The following RUNDC3B variants were observed in gnomAD, a reference collection of about 807,000 sequenced individuals.
RUNDC3B encodes RUN domain-containing protein 3B.
In RUNDC3B, 33 loss-of-function variants were observed where a neutral mutation model predicts 58.4. That is an observed-to-expected ratio of 0.56 (90% CI 0.43 to 0.75). RUNDC3B has a LOEUF of 0.75. Ranked by LOEUF, RUNDC3B falls within the 30% of genes least tolerant of loss-of-function variation. The pLI, the probability that RUNDC3B is intolerant of heterozygous loss-of-function variation, is 0.00. For synonymous variants in RUNDC3B, 193 were observed against 195.2 expected, an observed-to-expected ratio of 0.99 and a Z score of 0.10; for missense variants, 501 against 535.7, an observed-to-expected ratio of 0.94 and a Z score of 0.64.
chr7:87,823,460 G>A (rs1462423279), intron 10 of RUNDC3B, among the ~76,000 whole-genome samples: 2 of 151,262 alleles, frequency 1.3e-5, no homozygotes, highest in Non-Finnish European at 2.9e-5. Flanking sequence ...AATAGGGGAT[G>A]TTTGGTTACA....
intron 4 of RUNDC3B, among the ~76,000 whole-genome samples, chr7:87,719,659 A>G (rs934668781): frequency 4.6e-5 from 7 of 151,868 alleles, no homozygotes; most frequent in African/African-American, 1.7e-4. Context: ...TATAATAGAA[A>G]TAAATGCAAG....
intron 3 of RUNDC3B, among the ~76,000 whole-genome samples, chr7:87,702,206 A>G (rs1585144924): frequency 2.0e-5 from 3 of 147,548 alleles, no homozygotes; most frequent in Admixed American, 2.0e-4. Context: ...TTTTTTTAGG[A>G]AAAATAGTTA....
chr7:87,793,695 T>C (rs936817775), intron 8 of RUNDC3B, among the ~76,000 whole-genome samples: 15 of 151,940 alleles, frequency 9.9e-5, no homozygotes, highest in African/African-American at 3.4e-4. Context: ...CTCAAAATAA[T>C]AAAAGCTATA....
At chr7:87,709,696 G>A (rs1829897770) in intron 3 of RUNDC3B, among the ~76,000 whole-genome samples, 1 of 152,024 alleles carries the variant, frequency 6.6e-6, no homozygotes, top group South Asian at 2.1e-4. Flanking sequence ...TCCCTTTCTG[G>A]TAGTTGACAA....
intron 9 of RUNDC3B, among the ~76,000 whole-genome samples, chr7:87,814,824 A>G (rs1382410131): frequency 1.3e-5 from 2 of 152,164 alleles, no homozygotes; most frequent in African/African-American, 4.8e-5. Flanking sequence ...AAGTGAGAAC[A>G]CTGTATTATA....
rs546112689 is a variant in RUNDC3B at position 87,740,347 on chromosome 7, A to T, written c.548+467A>T. 3.1e-3 allele frequency among the ~76,000 whole-genome samples: 474 copies of T among 152,178 alleles called. 4 individuals are homozygous for T. The highest frequency in any genetic ancestry group is 0.011 in the African/African-American group (446 of 41,542). ...TGTATGGAGAATATTAAAAAAAAAA[A>T]TTGTTAAAATTTACTTTTATTGTCA... On this transcript the variant is annotated intron_variant, in intron 5 of 10. Transcript: ENST00000394654.
intron 6 of RUNDC3B, among the ~76,000 whole-genome samples, chr7:87,744,419 C>T (rs1832528225): frequency 6.6e-6 from 1 of 152,086 alleles, no homozygotes; most frequent in Non-Finnish European, 1.5e-5. Context: ...TCATTATTCA[C>T]AATATTGATT....
At chr7:87,779,299 C>T (rs2130885437) in intron 8 of RUNDC3B, among the ~76,000 whole-genome samples, 1 of 152,264 alleles carries the variant, frequency 6.6e-6, no homozygotes, top group East Asian at 1.9e-4. Context: ...CCACTTTAAA[C>T]TTTGAACAGT....
intron 1 of RUNDC3B, among the ~76,000 whole-genome samples, chr7:87,630,604 TG>T (rs959962404): frequency 6.6e-6 from 1 of 151,886 alleles, no homozygotes; most frequent in Non-Finnish European, 1.5e-5. Context: ...CAGTGCTTCT[TG>T]GGGGGTAACA....
intron 2 of RUNDC3B, among the ~76,000 whole-genome samples, chr7:87,691,970 TTGGTCCAGATATTTC>T (rs1828057170): frequency 6.6e-6 from 1 of 152,200 alleles, no homozygotes. Context: ...GGATTGTTGT[TTGGTCCAGATATTTC>T]TGGTTGCTTT....
intron 4 of RUNDC3B, among the ~76,000 whole-genome samples, chr7:87,719,767 C>G (rs1284164306): frequency 1.3e-5 from 2 of 151,692 alleles, no homozygotes; most frequent in Non-Finnish European, 2.9e-5. Context: ...ATCAATCAAT[C>G]AGTTTGCCAT....
intron 10 of RUNDC3B, among the ~76,000 whole-genome samples, chr7:87,822,287 A>G (rs1837508698): frequency 1.3e-5 from 2 of 152,248 alleles, no homozygotes; most frequent in South Asian, 2.1e-4. Context: ...ACATGAAAAA[A>G]TGCTCATCAT....
chr7:87,650,843 T>G lies in RUNDC3B; in HGVS notation c.144T>G (p.Ile48Met). The G allele has an allele frequency of 6.2e-7, 1 of 1,608,902 alleles. No homozygotes were observed. Among genetic ancestry groups the G allele is most frequent in the Non-Finnish European group, 8.5e-7 (1 of 1,175,462 alleles). The change falls in exon 2 of 11, where the codon ATT becomes ATG. Residue 48 changes from isoleucine to methionine, a missense_variant. By Grantham distance (10) the Ile-to-Met change is conservative. Transcript: ENST00000394654. ...TVCRFSVKTL[I>M]DRSCFETIDD... ...ATAGGTTTTCTGTGAAGACCCTGAT[T>G]GATCGGTCTTGCTTTGAGACAATTG...
chr7:87,736,837 A>G lies in RUNDC3B; in HGVS notation c.459-2954A>G, dbSNP rs1258053941. On this transcript the variant is annotated intron_variant, in intron 4 of 10. Coordinates refer to ENST00000394654, the MANE Select transcript of RUNDC3B (RefSeq NM_001134405.2). ...ATATTTATATATGTTATATATATGT[A>G]TGTGTGTATATATATACCTATATAT... Among the ~76,000 whole-genome samples the G allele has an allele frequency of 6.7e-5, 8 of 119,698 alleles. No individual in the cohort carries two copies. The East Asian group carries it at 2.1e-3, about 32-fold the overall frequency. The allele number at this position is 119,698 out of a possible 152,430, so 78.5% of individuals were successfully genotyped here.
At chr7:87,740,866 A>T (rs1832277668) in intron 5 of RUNDC3B, among the ~76,000 whole-genome samples, 1 of 152,102 alleles carries the variant, frequency 6.6e-6, no homozygotes, top group South Asian at 2.1e-4. Flanking sequence ...AGCTCTGTCT[A>T]AATTTGTTAC....
intron 1 of RUNDC3B, among the ~76,000 whole-genome samples, chr7:87,646,355 G>A (rs1823003099): frequency 6.6e-6 from 1 of 152,086 alleles, no homozygotes; most frequent in South Asian, 2.1e-4. Context: ...GGAGAACATA[G>A]TGACTAAAAT....
intron 6 of RUNDC3B, among the ~76,000 whole-genome samples, chr7:87,744,052 C>A (rs1047214594): frequency 6.6e-6 from 1 of 152,154 alleles, no homozygotes; most frequent in African/African-American, 2.4e-5. Context: ...ATCCCAGCAT[C>A]ATTTGTTGAA....
chr7:87,652,291 G>A (rs969565034), intron 2 of RUNDC3B, among the ~76,000 whole-genome samples: 1 of 151,912 alleles, frequency 6.6e-6, no homozygotes, highest in Non-Finnish European at 1.5e-5. Flanking sequence ...GAACAGTAAG[G>A]CTATGTTGAG....
At chr7:87,788,575 T>A (rs1048071943) in intron 8 of RUNDC3B, among the ~76,000 whole-genome samples, 16 of 152,180 alleles carry the variant, frequency 1.1e-4, no homozygotes, top group Non-Finnish European at 2.1e-4. Context: ...TTAACTCTTA[T>A]TTATATATTA....
Sources: allele counts gnomAD v4.1 joint callset (sites outside exome capture counted in the v4.1 genomes callset), GRCh38; gene constraint gnomAD v4.1.1; transcripts MANE v1.5; gene names NCBI Gene and HGNC (gene_info 2026-07-23, HGNC 2026-07-21).